The following JMJD1C variants were observed in gnomAD, a reference collection of about 807,000 sequenced individuals.
JMJD1C encodes jumonji domain containing 1C, also known as jumonji domain-containing protein 1C.
JMJD1C carries 31 observed loss-of-function variants against 245.3 expected under a neutral mutation model. The observed-to-expected ratio is 0.13, with a 90% CI of 0.09 to 0.17. The LOEUF is 0.17. Ranked by LOEUF, JMJD1C falls within the 10% of genes least tolerant of loss-of-function variation. JMJD1C has a pLI of 1.00. For missense variants in JMJD1C, 2,691 were observed against 3,000.2 expected (o/e 0.90, Z 2.41); for synonymous variants, 1,057 against 1,017.4 (o/e 1.04, Z -0.74).
At chr10:63,509,747 A>C (rs141807027) in intron 1 of JMJD1C, among the ~76,000 whole-genome samples, 1 of 152,208 alleles carries the variant, frequency 6.6e-6, no homozygotes, top group Admixed American at 6.5e-5. Context: ...GGGATCTGTA[A>C]AGATGCTGCT....
chr10:63,339,182 T>C (rs886640053), intron 2 of JMJD1C, among the ~76,000 whole-genome samples: 4 of 152,146 alleles, frequency 2.6e-5, no homozygotes, highest in Admixed American at 6.6e-5. Flanking sequence ...TACACCAATG[T>C]AAAGGAGCAA....
intron 1 of JMJD1C, among the ~76,000 whole-genome samples, chr10:63,490,783 A>G (rs10740128): frequency 0.66 from 100,913 of 152,040 alleles, 36,268 homozygotes; most frequent in Non-Finnish European, 0.81. Flanking sequence ...TGAGGGCAGG[A>G]ACTCAAGAAG....
At chr10:63,170,511 C>A (rs1842246682) in intron 24 of JMJD1C, among the ~76,000 whole-genome samples, 1 of 152,222 alleles carries the variant, frequency 6.6e-6, no homozygotes, top group Non-Finnish European at 1.5e-5. Flanking sequence ...CTCTGTTCCA[C>A]TATCTCACTG....
chr10:63,323,601 A>T (rs1941169483), intron 2 of JMJD1C, among the ~76,000 whole-genome samples: 1 of 152,198 alleles, frequency 6.6e-6, no homozygotes, highest in South Asian at 2.1e-4. Flanking sequence ...CAAAAACCAG[A>T]AGTCATACTG....
chr10:63,406,389 G>A (rs996157376), intron 1 of JMJD1C, among the ~76,000 whole-genome samples: 1 of 152,028 alleles, frequency 6.6e-6, no homozygotes, highest in Non-Finnish European at 1.5e-5. Flanking sequence ...GAAGAAAAAC[G>A]TTTCCTAGAA....
At chr10:63,484,271 T>TA (rs1372250822) in intron 1 of JMJD1C, among the ~76,000 whole-genome samples, 2 of 146,184 alleles carry the variant, frequency 1.4e-5, no homozygotes, top group African/African-American at 5.2e-5. Flanking sequence ...GATAGATAGA[T>TA]AAGATAGATA....
intron 2 of JMJD1C, among the ~76,000 whole-genome samples, chr10:63,313,943 A>G (rs1939583681): frequency 6.6e-6 from 1 of 152,050 alleles, no homozygotes; most frequent in Non-Finnish European, 1.5e-5. Context: ...CCACCTATTT[A>G]TCTTTGTTTT....
At chr10:63,340,022 T>C (rs548483229) in intron 2 of JMJD1C, among the ~76,000 whole-genome samples, 3 of 151,948 alleles carry the variant, frequency 2.0e-5, no homozygotes, top group Admixed American at 6.6e-5. Flanking sequence ...ATAGCGCCAC[T>C]GCACTCCAGC....
At chr10:63,413,677 T>C (rs1434569153) in intron 1 of JMJD1C, among the ~76,000 whole-genome samples, 1 of 152,216 alleles carries the variant, frequency 6.6e-6, no homozygotes, top group Admixed American at 6.5e-5. Context: ...TTTTCCTTGA[T>C]AAGAAATACT....
chr10:63,293,286 T>C (rs867645600), intron 2 of JMJD1C, among the ~76,000 whole-genome samples: 6 of 152,256 alleles, frequency 3.9e-5, no homozygotes, highest in Admixed American at 6.5e-5. Context: ...TCATCCTTCT[T>C]GCCAGCAAAT....
In JMJD1C at chr10:63,200,537, T is replaced by C; in HGVS notation, c.5215A>G (p.Ser1739Gly). 1.9e-6 allele frequency: 3 copies of C among 1,614,028 alleles called. No homozygotes were observed. The highest frequency in any genetic ancestry group is 2.5e-6 in the Non-Finnish European group (3 of 1,179,928). ...QKCRECRLIR[S>G]KKGEEPAHSP... ...TGAGCTGGTTCTTCTCCTTTTTTAC[T>C]GCGAATAAGTCTACATTCTCGACAC... is the stretch of plus-strand genomic sequence containing the variant. The change falls in exon 11 of 26, where the codon AGT (serine) becomes GGT (glycine). Residue 1739 changes from serine to glycine, a missense_variant. Around this residue, in one of 9 missense-constraint regions of JMJD1C, gnomAD observed 139 missense variants for 270.5 expected, o/e 0.51. Coordinates refer to ENST00000399262, the MANE Select transcript of JMJD1C (RefSeq NM_032776.3).
chr10:63,370,317 G>A, intron 2 of JMJD1C, among the ~76,000 whole-genome samples: 1 of 152,200 alleles, frequency 6.6e-6, no homozygotes, highest in Non-Finnish European at 1.5e-5. Context: ...AAGTGAGGGT[G>A]TTCTTACAGA....
At chr10:63,330,855 C>T (rs1942066585) in intron 2 of JMJD1C, among the ~76,000 whole-genome samples, 1 of 152,192 alleles carries the variant, frequency 6.6e-6, no homozygotes, top group African/African-American at 2.4e-5. Flanking sequence ...ACAGCACTTA[C>T]TCCAAAAGAC....
intron 3 of JMJD1C, among the ~76,000 whole-genome samples, chr10:63,236,500 T>A (rs1850750844): frequency 6.6e-6 from 1 of 152,194 alleles, no homozygotes; most frequent in Non-Finnish European, 1.5e-5. Context: ...TGGAAGGCAG[T>A]TTTTCTTTCA....
At chr10:63,279,242 C>T (rs547132183) in intron 2 of JMJD1C, among the ~76,000 whole-genome samples, 28 of 152,150 alleles carry the variant, frequency 1.8e-4, no homozygotes, top group South Asian at 1.7e-3. Context: ...AGAGCAAAAA[C>T]GTGGTCTCGA....
At chr10:63,318,102 T>G (rs1284954703) in intron 2 of JMJD1C, among the ~76,000 whole-genome samples, 1 of 152,148 alleles carries the variant, frequency 6.6e-6, no homozygotes, top group East Asian at 1.9e-4. Context: ...CTGCCTCAAG[T>G]TCAGGTAATT....
chr10:63,215,281 C>A lies in JMJD1C; in HGVS notation c.997G>T (p.Asp333Tyr). ...DEEKMKEEKY[D>Y]YISRGENPKG... ...GTCCTACCTCCTCGTGATATATAAT[C>A]ATATTTTTCCTCCTTCATCTTCTCT... is the stretch of plus-strand genomic sequence containing the variant. Residue 333 changes from aspartate to tyrosine, a missense_variant, in exon 7 of 26, where the codon GAT (aspartate) becomes TAT (tyrosine). Asp to Tyr is a radical substitution (Grantham distance 160, BLOSUM62 -3). This residue lies in a region of JMJD1C where 1,562 missense variants were observed against 1,490.7 expected (regional missense o/e 1.05). Coordinates refer to ENST00000399262, the MANE Select transcript of JMJD1C (RefSeq NM_032776.3). The A allele has an allele frequency of 6.2e-7, 1 of 1,612,632 alleles. No homozygotes were observed. Among genetic ancestry groups the A allele is most frequent in the Non-Finnish European group, 8.5e-7 (1 of 1,179,614 alleles).
intron 1 of JMJD1C, among the ~76,000 whole-genome samples, chr10:63,446,699 T>A (rs924624196): frequency 6.6e-6 from 1 of 152,228 alleles, no homozygotes; most frequent in Admixed American, 6.5e-5. Context: ...ATTAACCATA[T>A]TAAATGCTGC....
chr10:63,403,615 T>C (rs1948992944), intron 1 of JMJD1C, among the ~76,000 whole-genome samples: 1 of 152,184 alleles, frequency 6.6e-6, no homozygotes, highest in African/African-American at 2.4e-5. Context: ...GTTTAAGCAT[T>C]GGTTTTCCTT....
Sources: allele counts gnomAD v4.1 joint callset (sites outside exome capture counted in the v4.1 genomes callset), GRCh38; gene constraint gnomAD v4.1.1; regional missense constraint gnomAD v4.1.1; transcripts MANE v1.5; gene names NCBI Gene and HGNC (gene_info 2026-07-23, HGNC 2026-07-21).